The following MTRF1 variants were observed in gnomAD, a reference collection of about 807,000 sequenced individuals.
MTRF1 encodes the protein mitochondrial translation release factor 1.
Under a neutral mutation model 62.9 loss-of-function variants are expected in MTRF1, and 51 were observed. The observed-to-expected ratio is 0.81, with a 90% CI of 0.65 to 1.02. The LOEUF (loss-of-function observed/expected upper bound fraction) is 1.02, where lower values mean the gene tolerates loss of function less well. Among genes scored for constraint, MTRF1 ranks in the 50% least tolerant of loss-of-function variants. The probability of loss-of-function intolerance (pLI) is 0.00; values close to 1 mark genes in which losing one functional copy is unlikely to be tolerated. For synonymous variants in MTRF1, 158 were observed against 181.9 expected (o/e 0.87, Z 1.06); for missense variants, 446 against 530.0 (o/e 0.84, Z 1.56).
chr13:41,246,485 A>T (rs1211500819), intron 5 of MTRF1, among the ~76,000 whole-genome samples: 2 of 152,182 alleles, frequency 1.3e-5, no homozygotes, highest in Non-Finnish European at 2.9e-5. Context: ...TACCCTTGAA[A>T]ATGCCTTAGG....
chr13:41,236,067 A>G (rs2036499817), intron 6 of MTRF1: 1 of 151,350 alleles, frequency 6.6e-6, no homozygotes, highest in Non-Finnish European at 1.5e-5. Context: ...ACACACGCAC[A>G]CACACACACA....
chr13:41,294,132 CAA>C, the MTRF1 span, among the ~76,000 whole-genome samples: 1 of 151,956 alleles, frequency 6.6e-6, no homozygotes, highest in Non-Finnish European at 1.5e-5. Flanking sequence ...AAGAAAGTCA[CAA>C]AGTGGCTGGG....
At chr13:41,228,427 C>G (rs886505903) in intron 7 of MTRF1, among the ~76,000 whole-genome samples, 1 of 152,002 alleles carries the variant, frequency 6.6e-6, no homozygotes, top group Non-Finnish European at 1.5e-5. Flanking sequence ...AACTAGCCAG[C>G]GTGGTAGCTG....
At chr13:41,234,879 T>C (rs554442177) in intron 6 of MTRF1, among the ~76,000 whole-genome samples, 6 of 152,238 alleles carry the variant, frequency 3.9e-5, no homozygotes, top group African/African-American at 1.2e-4. Context: ...AGCAGAGCAG[T>C]GCTCTGGTTC....
chr13:41,244,385 T>C (rs1276071766), intron 5 of MTRF1, among the ~76,000 whole-genome samples: 1 of 152,234 alleles, frequency 6.6e-6, no homozygotes, highest in African/African-American at 2.4e-5. Context: ...GCCTATGTCT[T>C]AGTGTTGGTC....
At chr13:41,302,518 A>C in the MTRF1 span, among the ~76,000 whole-genome samples, 1 of 150,990 alleles carries the variant, frequency 6.6e-6, no homozygotes, top group Admixed American at 6.6e-5. Flanking sequence ...AACACACTAG[A>C]TCTGGATTTT....
chr13:41,265,720 C>A (rs1295265150), upstream of MTRF1, among the ~76,000 whole-genome samples: 1 of 152,170 alleles, frequency 6.6e-6, no homozygotes, highest in Middle Eastern at 3.2e-3. Flanking sequence ...TGGCCACCTA[C>A]AAGCCAAGAG....
At chr13:41,251,638 G>A (rs752801556) in intron 5 of MTRF1, among the ~76,000 whole-genome samples, 1 of 152,100 alleles carries the variant, frequency 6.6e-6, no homozygotes, top group Non-Finnish European at 1.5e-5. Context: ...ACTTCCTTAT[G>A]CTGTAGGCTG....
At chr13:41,269,199 G>GTTT in the MTRF1 span, among the ~76,000 whole-genome samples, 30 of 68,642 alleles carry the variant, frequency 4.4e-4, no homozygotes, top group Non-Finnish European at 6.3e-4. Context: ...TTTTTTTTTG[G>GTTT]TTTTTTTTTT....
At chr13:41,273,423 T>C in the MTRF1 span, among the ~76,000 whole-genome samples, 105 of 152,178 alleles carry the variant, frequency 6.9e-4, no homozygotes, top group African/African-American at 2.4e-3. Flanking sequence ...CTCGGTTAAT[T>C]TAGAAAGCTT....
At chr13:41,298,549 G>A in the MTRF1 span, among the ~76,000 whole-genome samples, 2 of 152,184 alleles carry the variant, frequency 1.3e-5, no homozygotes, top group Non-Finnish European at 2.9e-5. Flanking sequence ...TTCAGAATTG[G>A]AAGTCCTTTA....
intron 7 of MTRF1, among the ~76,000 whole-genome samples, chr13:41,228,127 A>G (rs960730078): frequency 2.6e-5 from 4 of 151,948 alleles, no homozygotes; most frequent in African/African-American, 7.2e-5. Flanking sequence ...GAACTTTTAG[A>G]TCAAAACTAT....
the MTRF1 span, chr13:41,311,279 A>G: frequency 3.6e-6 from 2 of 551,780 alleles, no homozygotes; most frequent in South Asian, 2.3e-5. Context: ...AGTGCGCGGG[A>G]ACCGCCGCCG....
the MTRF1 span, among the ~76,000 whole-genome samples, chr13:41,283,896 C>G: frequency 6.6e-6 from 1 of 152,038 alleles, no homozygotes; most frequent in Admixed American, 6.6e-5. Context: ...CTTATTTGTT[C>G]CCGTTTAGCA....
At chr13:41,273,280 C>T in the MTRF1 span, among the ~76,000 whole-genome samples, 18,962 of 150,528 alleles carry the variant, frequency 0.13, 1,429 homozygotes, top group African/African-American at 0.21. Context: ...GAGCCGAGAT[C>T]GCGCCACTGC....
chr13:41,245,927 C>T (rs1334837959), intron 5 of MTRF1, among the ~76,000 whole-genome samples: 1 of 152,186 alleles, frequency 6.6e-6, no homozygotes, highest in African/African-American at 2.4e-5. Flanking sequence ...ATTCTCCTCC[C>T]AGCAGTCCTT....
At chr13:41,254,091 T>TA (rs2039411813) in intron 3 of MTRF1, among the ~76,000 whole-genome samples, 1 of 152,134 alleles carries the variant, frequency 6.6e-6, no homozygotes, top group South Asian at 2.1e-4. Flanking sequence ...GCCACACCCT[T>TA]ACTAGACCTA....
At chr13:41,291,755 T>C in the MTRF1 span, among the ~76,000 whole-genome samples, 1 of 152,276 alleles carries the variant, frequency 6.6e-6, no homozygotes, top group Middle Eastern at 3.4e-3. Flanking sequence ...CTACTGAGAT[T>C]GTTAAAATAC....
intron 6 of MTRF1, among the ~76,000 whole-genome samples, chr13:41,237,218 CAAAA>C (rs11412273): frequency 4.7e-5 from 3 of 63,896 alleles, no homozygotes; most frequent in African/African-American, 7.2e-5. Context: ...GAATCTGTCT[CAAAA>C]AAAAAAAAAA....
Sources: allele counts gnomAD v4.1 joint callset (sites outside exome capture counted in the v4.1 genomes callset), GRCh38; gene constraint gnomAD v4.1.1; transcripts MANE v1.5; gene names NCBI Gene and HGNC (gene_info 2026-07-23, HGNC 2026-07-21).